MSL2: variants seen among roughly 807,000 people sequenced by gnomAD.
The protein encoded by MSL2 is E3 ubiquitin-protein ligase MSL2.
A neutral mutation model predicts 35.8 loss-of-function variants in MSL2; 2 were observed. That is an observed-to-expected ratio of 0.06 (90% confidence interval 0.02 to 0.18). MSL2 has a LOEUF of 0.18. Ranked by LOEUF, MSL2 falls within the 10% of genes least tolerant of loss-of-function variation. The pLI is 1.00. For missense variants in MSL2, 523 were observed against 706.7 expected (o/e 0.74, Z 2.95); for synonymous variants, 296 against 255.7 (o/e 1.16, Z -1.50).
Position 136,179,073 on chromosome 3 carries a change from G to C in MSL2, c.142+15899C>G, listed in dbSNP as rs1260685113. The stretch of plus-strand genomic sequence containing the variant: ...CACAATCAGAATTCACCACAGCCTT[G>C]ACCTCCAAGGCTCAAGCAATCCTCC... On this transcript the variant is annotated intron_variant, in intron 1 of 1. Transcript: ENST00000309993. Among the ~76,000 whole-genome samples, 3 of 144,522 alleles carry C rather than the reference G, an allele frequency of 2.1e-5. No homozygotes were observed. In the East Asian group the frequency reaches 6.3e-4, roughly 30 times the overall value. The allele number at this position is 144,522 out of a possible 152,430, so 94.8% of individuals were successfully genotyped here. A position where few individuals can be genotyped will look rare whatever the true frequency, so the allele number is the denominator to read the frequency against.
At chr3:136,193,511 A>T (rs561860203) in intron 1 of MSL2, among the ~76,000 whole-genome samples, 1 of 152,216 alleles carries the variant, frequency 6.6e-6, no homozygotes, top group South Asian at 2.1e-4. Context: ...AGAAAAAAAA[A>T]AGTATATGGA....
In MSL2 at chr3:136,149,818, G is replaced by A. The variant is rs964767607; in HGVS notation, c.*1329C>T. ...CATATGTCAGATCTTACTAGAGATG[G>A]TGAACGTAGTAGAAATTGGAAATTT... On this transcript the variant is annotated 3_prime_UTR_variant, in exon 2 of 2. Coordinates refer to ENST00000309993, the MANE Select transcript of MSL2 (RefSeq NM_018133.4). 28 of 152,240 alleles carry A rather than the reference G, an allele frequency of 1.8e-4. No individual in the cohort carries two copies. Among genetic ancestry groups the A allele is most frequent in the Admixed American group, 1.3e-4 (2 of 15,276 alleles). 9.4% of individuals were successfully genotyped at this position (152,240 alleles called of 1,614,324 possible). A position where few individuals can be genotyped will look rare whatever the true frequency, so the allele number is the denominator to read the frequency against.
At chr3:136,192,722 G>C (rs911895496) in intron 1 of MSL2, among the ~76,000 whole-genome samples, 1 of 152,164 alleles carries the variant, frequency 6.6e-6, no homozygotes, top group Non-Finnish European at 1.5e-5. Context: ...AGGACGTGTT[G>C]AAACAAATTC....
At chr3:136,172,535 T>G (rs1483025913) in intron 1 of MSL2, among the ~76,000 whole-genome samples, 2 of 152,206 alleles carry the variant, frequency 1.3e-5, no homozygotes, top group Non-Finnish European at 2.9e-5. Context: ...CCAAATGTAG[T>G]GGGCACTTCT....
At position 136,152,973 on chromosome 3, in the gene MSL2, C is replaced by G. The variant is rs1026785014; in HGVS notation, c.143-235G>C. On this transcript the variant is annotated intron_variant, in intron 1 of 1. Coordinates refer to ENST00000309993, the MANE Select transcript of MSL2 (RefSeq NM_018133.4). ...ACCAAAATCATCCTTGATTCTGTGT[C>G]TCTCTCCCCAAGCAATACGTTCTGG... is the stretch of plus-strand genomic sequence containing the variant. 12 of 985,290 alleles carry G rather than the reference C, an allele frequency of 1.2e-5. No individual in the cohort carries two copies. The African/African-American group carries it at 2.1e-4, about 17-fold the overall frequency. 61.0% of individuals were successfully genotyped at this position (985,290 alleles called of 1,614,324 possible).
Position 136,195,189 on chromosome 3 carries a change from A to T in MSL2, c.-76T>A. On this transcript the variant is annotated 5_prime_UTR_variant, in exon 1 of 2. Transcript: ENST00000309993. ...CAACTTAGTAAGCAGCCAGGGAACG[A>T]TGGCGAATTTGCAACAATTCGGAAG... is the stretch of plus-strand genomic sequence containing the variant. 1 of 1,549,000 alleles carries T rather than the reference A, an allele frequency of 6.5e-7. No homozygotes were observed. Among genetic ancestry groups the T allele is most frequent in the South Asian group, 1.2e-5 (1 of 82,202 alleles).
At chr3:136,176,661 CA>C (rs1046813013) in intron 1 of MSL2, among the ~76,000 whole-genome samples, 222 of 142,532 alleles carry the variant, frequency 1.6e-3, no homozygotes, top group Non-Finnish European at 1.7e-3. Flanking sequence ...CCTGTTACTA[CA>C]AAAAAAAAAA....
intron 1 of MSL2, among the ~76,000 whole-genome samples, chr3:136,193,849 C>T (rs1235847876): frequency 6.6e-6 from 1 of 152,132 alleles, no homozygotes; most frequent in Admixed American, 6.6e-5. Flanking sequence ...TGTTTATGAC[C>T]TTAAGTACCT....
Position 136,195,617 on chromosome 3 carries a change from G to A in MSL2, c.-504C>T, listed in dbSNP as rs913579158. 10 of 980,540 alleles carry A rather than the reference G, an allele frequency of 1.0e-5. No individual in the cohort carries two copies. The highest frequency in any genetic ancestry group is 9.7e-6 in the Non-Finnish European group (8 of 825,320). 60.7% of individuals were successfully genotyped at this position (980,540 alleles called of 1,614,324 possible). A position where few individuals can be genotyped will look rare whatever the true frequency, so the allele number is the denominator to read the frequency against. On this transcript the variant is annotated 5_prime_UTR_variant, in exon 1 of 2. Coordinates refer to ENST00000309993, the MANE Select transcript of MSL2 (RefSeq NM_018133.4). ...TACAGGGCGCGGAGGCGGCGGCGAC[G>A]GCAAGGACGACGGTCGGGCAGCGGC...
chr3:136,153,000 C>A (rs1461205828), intron 1 of MSL2: 9 of 985,286 alleles, frequency 9.1e-6, no homozygotes, highest in Non-Finnish European at 4.8e-6. Context: ...ACGTTCTGGT[C>A]CACCTTCTTA....
intron 1 of MSL2, among the ~76,000 whole-genome samples, chr3:136,185,664 C>T (rs1359009574): frequency 6.6e-6 from 1 of 151,836 alleles, no homozygotes; most frequent in African/African-American, 2.4e-5. Flanking sequence ...CACCACCACG[C>T]CCGGCTAATT....
Position 136,195,802 on chromosome 3 carries a change from G to A in MSL2, c.-689C>T, listed in dbSNP as rs898618372. 1.3e-5 allele frequency: 13 copies of A among 984,970 alleles called. No individual in the cohort carries two copies. The highest frequency in any genetic ancestry group is 4.7e-5 in the South Asian group (1 of 21,290). The allele number at this position is 984,970 out of a possible 1,614,324, so 61.0% of individuals were successfully genotyped here. On this transcript the variant is annotated 5_prime_UTR_variant, in exon 1 of 2. Transcript: ENST00000309993. ...CCGCAGTTCCCCGAGGTGGCGAGGCGGGCGGGAGTCCTCAACCCGGAGGGG... is the reference window on the plus strand; with the variant it reads ...CCGCAGTTCCCCGAGGTGGCGAGGCAGGCGGGAGTCCTCAACCCGGAGGGG...
intron 1 of MSL2, among the ~76,000 whole-genome samples, chr3:136,180,750 G>T (rs1162897271): frequency 2.1e-5 from 2 of 95,104 alleles, no homozygotes; most frequent in Non-Finnish European, 4.3e-5. Flanking sequence ...GGAGAGGAGG[G>T]AAGGAGGGAA....
chr3:136,177,304 A>C (rs1940203581), intron 1 of MSL2, among the ~76,000 whole-genome samples: 1 of 152,208 alleles, frequency 6.6e-6, no homozygotes, highest in Non-Finnish European at 1.5e-5. Context: ...ACAAATAATC[A>C]TATGCCAGAA....
intron 1 of MSL2, among the ~76,000 whole-genome samples, chr3:136,157,945 G>A (rs1939580447): frequency 6.6e-6 from 1 of 152,144 alleles, no homozygotes; most frequent in African/African-American, 2.4e-5. Flanking sequence ...ACATAGAGGA[G>A]GAGAAAACAC....
intron 1 of MSL2, among the ~76,000 whole-genome samples, chr3:136,176,994 C>G (rs113359259): frequency 3.3e-5 from 5 of 152,328 alleles, no homozygotes; most frequent in Non-Finnish European, 5.9e-5. Context: ...CCTAAGACAG[C>G]ACAAGTTTAC....
intron 1 of MSL2, among the ~76,000 whole-genome samples, chr3:136,188,281 CTAAT>C (rs201082660): frequency 0.014 from 2,184 of 151,976 alleles, 49 homozygotes; most frequent in African/African-American, 0.05. Context: ...TAAAAATACA[CTAAT>C]TAGCTAGGCG....
intron 1 of MSL2, among the ~76,000 whole-genome samples, chr3:136,170,508 CTTTTTTTTTTT>C (rs71157363): frequency 8.9e-4 from 73 of 81,658 alleles, no homozygotes; most frequent in Admixed American, 4.8e-3. Flanking sequence ...AAACTCTGTC[CTTTTTTTTTTT>C]TTTTTTTTTT....
At position 136,149,641 on chromosome 3, in the gene MSL2, T is replaced by TA. The variant is rs1266137332; in HGVS notation, c.*1505_*1506insT. On this transcript the variant is annotated 3_prime_UTR_variant, in exon 2 of 2. Coordinates refer to ENST00000309993, the MANE Select transcript of MSL2 (RefSeq NM_018133.4). The stretch of plus-strand genomic sequence containing the variant: ...CAACAACAACAAAAACAACTCTACC[T>TA]GACCACATTCACAGAAAATGACACC... The TA allele has an allele frequency of 7.6e-6, 1 of 132,322 alleles. No individual in the cohort carries two copies. The highest frequency in any genetic ancestry group is 8.2e-5 in the Admixed American group (1 of 12,188). The allele number at this position is 132,322 out of a possible 1,614,324, so 8.2% of individuals were successfully genotyped here.
Sources: gnomAD v4.1 joint callset for allele counts (sites outside exome capture counted in the v4.1 genomes callset) on GRCh38, gnomAD v4.1.1 for gene constraint, MANE v1.5 for transcripts, NCBI Gene and HGNC (gene_info 2026-07-23, HGNC 2026-07-21) for gene names.